The following BAIAP2 variants were observed in gnomAD, a reference collection of about 807,000 sequenced individuals.
BAIAP2 encodes the protein BAR/IMD domain-containing adapter protein 2.
A neutral mutation model predicts 63.0 loss-of-function variants in BAIAP2; 18 were observed. The ratio of observed to expected loss-of-function variants is 0.29; its 90% CI spans 0.20 to 0.42. The LOEUF is 0.42. BAIAP2 is among the 10% of genes least tolerant of loss of function. The pLI is 1.00. For synonymous variants in BAIAP2, 386 were observed against 307.6 expected, an observed-to-expected ratio of 1.25 and a Z score of -2.67; for missense variants, 610 against 734.3, an observed-to-expected ratio of 0.83 and a Z score of 1.96.
chr17:81,110,466 T>C (rs2059787616), intron 13 of BAIAP2: 2 of 1,004,494 alleles, frequency 2.0e-6, no homozygotes, highest in South Asian at 4.6e-5. Context: ...ATCTGAATTG[T>C]GCCCTGTACT....
chr17:81,109,812 C>A (rs566119712), intron 13 of BAIAP2: 6 of 985,338 alleles, frequency 6.1e-6, no homozygotes, highest in Non-Finnish European at 7.2e-6. Context: ...GAGACCACCC[C>A]ACCCCCACAT....
At chr17:81,092,754 T>G (rs930067189) in intron 6 of BAIAP2, among the ~76,000 whole-genome samples, 9 of 152,190 alleles carry the variant, frequency 5.9e-5, no homozygotes, top group African/African-American at 1.9e-4. Context: ...GTTGCCACAT[T>G]TGCTGGGCCA....
At chr17:81,114,602 C>G (rs1419168686) in intron 13 of BAIAP2, among the ~76,000 whole-genome samples, 1 of 152,240 alleles carries the variant, frequency 6.6e-6, no homozygotes, top group African/African-American at 2.4e-5. Flanking sequence ...GAGCCTTCCG[C>G]AGACCTGTCA....
rs1568081441 is a variant in BAIAP2, at chr17:81,053,748, A to G, written c.130+5A>G. 1.9e-6 allele frequency: 3 copies of G among 1,613,790 alleles called. No individual in the cohort carries two copies. The highest frequency in any genetic ancestry group is 2.5e-6 in the Non-Finnish European group (3 of 1,179,914). On this transcript the variant is annotated splice_donor_5th_base_variant and intron_variant, in intron 2 of 13. Transcript: ENST00000428708. ...ATTACGAGAAGGCACTGGCAGGTGGAACTGCGCCCGGGCCCCGTGGGGTGG... is the reference window on the plus strand; with the variant it reads ...ATTACGAGAAGGCACTGGCAGGTGGGACTGCGCCCGGGCCCCGTGGGGTGG...
At chr17:81,074,214 G>C (rs898785761) in intron 3 of BAIAP2, among the ~76,000 whole-genome samples, 2 of 152,216 alleles carry the variant, frequency 1.3e-5, no homozygotes, top group Admixed American at 1.3e-4. Flanking sequence ...TTGGGGGCAG[G>C]GGCAGCATCA....
intron 3 of BAIAP2, among the ~76,000 whole-genome samples, chr17:81,059,820 C>T (rs1036200122): frequency 1.2e-4 from 19 of 152,204 alleles, no homozygotes; most frequent in Non-Finnish European, 1.9e-4. Context: ...GGTGTCTTCG[C>T]CCCTTGGTCG....
At chr17:81,086,740 C>T (rs571242350) in intron 6 of BAIAP2, among the ~76,000 whole-genome samples, 160 bp downstream of exon 6, 13 of 152,332 alleles carry the variant, frequency 8.5e-5, no homozygotes, top group Admixed American at 7.2e-4. Flanking sequence ...GTGGGCCTGA[C>T]GCCCCCAGGC....
At chr17:81,101,847 C>T (rs1180319574) in intron 7 of BAIAP2, among the ~76,000 whole-genome samples, 1 of 152,258 alleles carries the variant, frequency 6.6e-6, no homozygotes, top group Admixed American at 6.5e-5. Context: ...CGGTGACAGG[C>T]TGTGCTGCCA....
intron 3 of BAIAP2, among the ~76,000 whole-genome samples, chr17:81,077,811 C>T (rs1044249855): frequency 1.2e-4 from 18 of 151,642 alleles, no homozygotes; most frequent in Non-Finnish European, 2.1e-4. Context: ...CAGGTTCCAC[C>T]TCGGAGCTGG....
intron 13 of BAIAP2, chr17:81,109,251 G>A (rs2059582153): frequency 7.4e-7 from 1 of 1,355,502 alleles, no homozygotes; most frequent in East Asian, 2.9e-5. Flanking sequence ...GAAACTGCCA[G>A]GCAGGACCTG....
Position 81,116,275 on chromosome 17 carries a change from T to G in BAIAP2, c.*436T>G. ...GGCCAGAAGGCCGGGAGCACGGGGA[T>G]GGGAGCGCCCGCACCCTGGCTGGAA... On this transcript the variant is annotated 3_prime_UTR_variant, in exon 14 of 14. Transcript: ENST00000428708. 1.9e-6 allele frequency: 3 copies of G among 1,612,878 alleles called. No homozygotes were observed. Among genetic ancestry groups the G allele is most frequent in the Non-Finnish European group, 2.5e-6 (3 of 1,179,916 alleles).
chr17:81,085,647 T>C lies in BAIAP2; in HGVS notation c.280-7T>C. 2 of 1,613,048 alleles carry C rather than the reference T, an allele frequency of 1.2e-6. No individual in the cohort carries two copies. The highest frequency in any genetic ancestry group is 1.7e-6 in the Non-Finnish European group (2 of 1,179,288). On this transcript the variant is annotated splice_region_variant and splice_polypyrimidine_tract_variant and intron_variant, in intron 4 of 13. Transcript: ENST00000428708. ...TGACGGCTGATGTGTTTTCTCTCCA[T>C]GTCCAGCTGAAGTCTTTTCACAACG...
intron 13 of BAIAP2, among the ~76,000 whole-genome samples, chr17:81,111,199 T>G (rs1247941933): frequency 1.3e-5 from 2 of 152,206 alleles, no homozygotes; most frequent in Non-Finnish European, 2.9e-5. Flanking sequence ...TGCCCGGGGC[T>G]CCTCTCACTG....
intron 3 of BAIAP2, among the ~76,000 whole-genome samples, chr17:81,060,850 C>A (rs112869545): frequency 2.6e-5 from 4 of 152,058 alleles, no homozygotes; most frequent in Non-Finnish European, 4.4e-5. Flanking sequence ...GGGCCGGGCG[C>A]GGTGGCTCAC....
chr17:81,087,922 T>TG (rs1165915560), intron 6 of BAIAP2: 1 of 152,114 alleles, frequency 6.6e-6, no homozygotes, highest in Non-Finnish European at 1.5e-5. Context: ...CTTTCTATGA[T>TG]GGGCCCATCA....
At chr17:81,042,117 C>A (rs1276924236) in intron 1 of BAIAP2, among the ~76,000 whole-genome samples, 2 of 148,212 alleles carry the variant, frequency 1.3e-5, no homozygotes, top group African/African-American at 5.0e-5. Flanking sequence ...TTGTTACTGG[C>A]ACTTTTTTTT....
intron 9 of BAIAP2, 47 bp from the exon 10 acceptor site, chr17:81,104,467 C>A: frequency 1.3e-6 from 2 of 1,536,034 alleles, no homozygotes; most frequent in South Asian, 1.2e-5. Context: ...GGCTTTGCTG[C>A]CCCGCCAGCC....
intron 3 of BAIAP2, among the ~76,000 whole-genome samples, chr17:81,080,298 C>G (rs1010251319): frequency 6.6e-6 from 1 of 152,234 alleles, no homozygotes; most frequent in South Asian, 2.1e-4. Flanking sequence ...TCCATGCCCA[C>G]GTGGTTTCCT....
At chr17:81,113,516 G>A (rs1233914467) in intron 13 of BAIAP2, among the ~76,000 whole-genome samples, 1 of 152,228 alleles carries the variant, frequency 6.6e-6, no homozygotes, top group African/African-American at 2.4e-5. Context: ...AGACAGCTGG[G>A]GGGTGGGGGC....
Sources: gnomAD v4.1 joint callset for allele counts (sites outside exome capture counted in the v4.1 genomes callset) on GRCh38, gnomAD v4.1.1 for gene constraint, MANE v1.5 for transcripts, NCBI Gene and HGNC (gene_info 2026-07-23, HGNC 2026-07-21) for gene names.